GULP1: variants seen among roughly 807,000 people sequenced by gnomAD.
The protein encoded by GULP1 is PTB domain-containing engulfment adapter protein 1.
GULP1 carries 19 observed loss-of-function variants against 40.9 expected under a neutral mutation model. The observed-to-expected ratio is 0.46, with a 90% CI of 0.32 to 0.68. The LOEUF (loss-of-function observed/expected upper bound fraction) is 0.68. GULP1 is among the 30% of genes least tolerant of loss of function. The probability of loss-of-function intolerance (pLI) is 0.03; values close to 1 mark genes in which losing one functional copy is unlikely to be tolerated. For missense variants in GULP1, 312 were observed against 362.2 expected, an observed-to-expected ratio of 0.86 and a Z score of 1.12; for synonymous variants, 119 against 117.6, an observed-to-expected ratio of 1.01 and a Z score of -0.08.
intron 11 of GULP1, chr2:188,591,872 C>G (rs1576343039): frequency 6.6e-6 from 1 of 151,746 alleles, no homozygotes; most frequent in East Asian, 1.9e-4. Flanking sequence ...GTGAATAATA[C>G]TTTAATTATT....
chr2:188,386,304 A>G (rs2049736686), intron 2 of GULP1, among the ~76,000 whole-genome samples: 4 of 152,280 alleles, frequency 2.6e-5, no homozygotes, highest in African/African-American at 9.6e-5. Flanking sequence ...CACTATCATG[A>G]GAACAGCGTA....
At chr2:188,589,740 C>T (rs1439286545) in intron 11 of GULP1, 7 of 1,390,468 alleles carry the variant, frequency 5.0e-6, no homozygotes, top group South Asian at 1.5e-5. Flanking sequence ...TGGTGGGTAG[C>T]GCCAGAGATG....
chr2:188,472,572 T>C (rs2060678824), intron 2 of GULP1, among the ~76,000 whole-genome samples: 2 of 152,214 alleles, frequency 1.3e-5, no homozygotes, highest in Admixed American at 1.3e-4. Flanking sequence ...TAAAAGACTC[T>C]GATATGTTCT....
At chr2:188,349,481 T>C (rs537480376) in intron 1 of GULP1, among the ~76,000 whole-genome samples, 4 of 152,216 alleles carry the variant, frequency 2.6e-5, no homozygotes, top group African/African-American at 9.6e-5. Flanking sequence ...TTTGCATTTC[T>C]CTGATGGCTA....
rs534906640 is a variant in GULP1 at position 188,329,130 on chromosome 2, C to T, written c.-172+36964C>T. 2.0e-5 allele frequency among the ~76,000 whole-genome samples: 3 copies of T among 148,524 alleles called. No homozygotes were observed. The East Asian group carries it at 5.9e-4, about 29-fold the overall frequency. ...CATCAGTATTTTTCTCAAGGCAGCC[C>T]TCTCTATTGGACTCTTTTTTTTTTT... On this transcript the variant is annotated intron_variant, in intron 1 of 11. Transcript: ENST00000409830.
At position 188,329,136 on chromosome 2, in the gene GULP1, A is replaced by T. The variant is rs191831622; in HGVS notation, c.-172+36970A>T. Among the ~76,000 whole-genome samples the T allele has an allele frequency of 2.4e-4, 33 of 139,222 alleles. 1 individual carries two copies. The highest frequency in any genetic ancestry group is 9.0e-4 in the African/African-American group (33 of 36,674). The allele number at this position is 139,222 out of a possible 152,430, so 91.3% of individuals were successfully genotyped here. On this transcript the variant is annotated intron_variant, in intron 1 of 11. Transcript: ENST00000409830. ...TATTTTTCTCAAGGCAGCCCTCTCT[A>T]TTGGACTCTTTTTTTTTTTGAGTTT... is the stretch of plus-strand genomic sequence containing the variant.
chr2:188,477,265 T>C (rs2061089791), intron 2 of GULP1, among the ~76,000 whole-genome samples: 1 of 152,108 alleles, frequency 6.6e-6, no homozygotes, highest in South Asian at 2.1e-4. Context: ...TCTTTGTGAC[T>C]TTGTAATAAA....
At chr2:188,445,682 T>C (rs1049533413) in intron 2 of GULP1, among the ~76,000 whole-genome samples, 3 of 152,184 alleles carry the variant, frequency 2.0e-5, no homozygotes, top group Admixed American at 6.5e-5. Context: ...AACTAGTTTT[T>C]AGTGGAAGTC....
intron 2 of GULP1, among the ~76,000 whole-genome samples, chr2:188,469,199 A>T (rs2060379762): frequency 6.6e-6 from 1 of 152,198 alleles, no homozygotes; most frequent in Admixed American, 6.5e-5. Flanking sequence ...CAGTTCAGCT[A>T]ATCATTTATG....
At chr2:188,329,178 CTCT>C (rs1228115724) in intron 1 of GULP1, among the ~76,000 whole-genome samples, 3 of 151,712 alleles carry the variant, frequency 2.0e-5, no homozygotes, top group Non-Finnish European at 4.4e-5. Flanking sequence ...TCTTCTCTTC[CTCT>C]TCTTCCTTCA....
intron 2 of GULP1, among the ~76,000 whole-genome samples, chr2:188,393,244 TAAAATCTGGGATCTCTA>T (rs2050770961): frequency 6.6e-6 from 1 of 152,042 alleles, no homozygotes; most frequent in Admixed American, 6.6e-5. Flanking sequence ...TAAGTATTTT[TAAAATCTGGGATCTCTA>T]GAGTTAGATG....
chr2:188,487,965 A>T (rs2062007014), intron 4 of GULP1, among the ~76,000 whole-genome samples: 1 of 152,034 alleles, frequency 6.6e-6, no homozygotes, highest in African/African-American at 2.4e-5. Flanking sequence ...AATACAAACA[A>T]AATGACAAAG....
At chr2:188,370,785 C>A (rs2152436840) in intron 1 of GULP1, among the ~76,000 whole-genome samples, 1 of 152,206 alleles carries the variant, frequency 6.6e-6, no homozygotes, top group South Asian at 2.1e-4. Context: ...GCACAGTTAG[C>A]ATTTTTTAAA....
At chr2:188,458,215 C>T (rs1205047587) in intron 2 of GULP1, among the ~76,000 whole-genome samples, 5 of 152,086 alleles carry the variant, frequency 3.3e-5, no homozygotes, top group African/African-American at 1.2e-4. Flanking sequence ...TTCTCTTTGA[C>T]CATATTCCCT....
At chr2:188,444,504 A>T (rs1432478903) in intron 2 of GULP1, among the ~76,000 whole-genome samples, 2 of 152,214 alleles carry the variant, frequency 1.3e-5, no homozygotes, top group African/African-American at 4.8e-5. Context: ...ATTATCTCTC[A>T]AAGTATTTTT....
intron 1 of GULP1, among the ~76,000 whole-genome samples, chr2:188,311,022 G>A (rs1019518849): frequency 1.3e-5 from 2 of 152,124 alleles, no homozygotes; most frequent in African/African-American, 2.4e-5. Context: ...TCATTTTTGG[G>A]TTGCAGCTTT....
At chr2:188,502,804 T>C (rs568892082) in intron 4 of GULP1, among the ~76,000 whole-genome samples, 50 of 152,062 alleles carry the variant, frequency 3.3e-4, no homozygotes, top group African/African-American at 1.2e-3. Flanking sequence ...GGGTAAGTTA[T>C]AAAGAACAAA....
chr2:188,454,083 A>G (rs1473661719), intron 2 of GULP1, among the ~76,000 whole-genome samples: 4 of 152,236 alleles, frequency 2.6e-5, no homozygotes, highest in East Asian at 1.9e-4. Flanking sequence ...CGCTGGAGGT[A>G]CCCTGCCCAC....
At chr2:188,570,272 AAACTTAAAATT>A (rs1698739250) in intron 9 of GULP1, 152 bp downstream of exon 9, 3 of 516,130 alleles carry the variant, frequency 5.8e-6, no homozygotes, top group Non-Finnish European at 1.0e-5. Flanking sequence ...GTTTAATTTA[AAACTTAAAATT>A]ACCTAGTCAG....
Sources: gnomAD v4.1 joint callset for allele counts (sites outside exome capture counted in the v4.1 genomes callset) on GRCh38, gnomAD v4.1.1 for gene constraint, MANE v1.5 for transcripts, NCBI Gene and HGNC (gene_info 2026-07-23, HGNC 2026-07-21) for gene names.